Variants in MYO18B observed in about 807,000 individuals in gnomAD.
MYO18B encodes unconventional myosin-XVIIIb.
A neutral mutation model predicts 273.0 loss-of-function variants in MYO18B; 204 were observed. The observed-to-expected ratio is 0.75, with a 90% CI of 0.67 to 0.84. MYO18B has a LOEUF of 0.84. MYO18B is among the 40% of genes least tolerant of loss of function. The pLI is 0.00. For missense variants in MYO18B, 3,212 were observed against 3,287.6 expected (o/e 0.98, Z 0.56); for synonymous variants, 1,330 against 1,305.7 (o/e 1.02, Z -0.40).
intron 11 of MYO18B, among the ~76,000 whole-genome samples, chr22:25,792,659 T>C (rs2087731496): frequency 6.6e-6 from 1 of 151,928 alleles, no homozygotes; most frequent in Non-Finnish European, 1.5e-5. Flanking sequence ...CATGCCCAGC[T>C]AATTTTTTTA....
At chr22:26,020,903 A>G (rs576933002) in intron 42 of MYO18B, among the ~76,000 whole-genome samples, 75 of 152,320 alleles carry the variant, frequency 4.9e-4, no homozygotes, top group Middle Eastern at 6.8e-3. Flanking sequence ...ATCCTGACCA[A>G]CATGGTGAAA....
At chr22:25,849,207 A>G (rs1601342201) in intron 20 of MYO18B, among the ~76,000 whole-genome samples, 3 of 152,346 alleles carry the variant, frequency 2.0e-5, no homozygotes, top group South Asian at 2.1e-4. Context: ...ACGCAGGGTC[A>G]GGGTGTCCCG....
At chr22:25,890,945 C>G in intron 26 of MYO18B, 70 bp downstream of exon 26, 1 of 1,554,692 alleles carries the variant, frequency 6.4e-7, no homozygotes, top group Non-Finnish European at 8.7e-7. Context: ...GCTCCCCGAC[C>G]CTCTCATTGG....
intron 21 of MYO18B, among the ~76,000 whole-genome samples, chr22:25,864,521 G>T (rs1328064518): frequency 6.6e-6 from 1 of 152,186 alleles, no homozygotes; most frequent in Non-Finnish European, 1.5e-5. Flanking sequence ...AGGAGGAGAG[G>T]CTTGCTCAGG....
intron 40 of MYO18B, among the ~76,000 whole-genome samples, chr22:25,998,255 C>G (rs1601795653): frequency 6.6e-6 from 1 of 152,158 alleles, no homozygotes; most frequent in South Asian, 2.1e-4. Context: ...GCCAGTCACC[C>G]AGGCCTAAAG....
rs1395016495 is a variant in MYO18B, at chr22:25,921,373, A to T, written c.5481A>T (p.Ser1827=). The change falls in exon 34 of 44, where the codon TCA becomes TCT. Residue 1827 remains serine (S), a synonymous_variant. Coordinates refer to ENST00000335473, the MANE Select transcript of MYO18B (RefSeq NM_032608.7). ...LLGTMEDGKT[S]VSKEELEKVH... ...GCACCATGGAGGATGGCAAGACATCAGTCAGCAAGGAGGAGCTGGAGAAAG... is the reference window on the plus strand; with the variant it reads ...GCACCATGGAGGATGGCAAGACATCTGTCAGCAAGGAGGAGCTGGAGAAAG... 1 of 1,599,152 alleles carries T rather than the reference A, an allele frequency of 6.3e-7. No individual in the cohort carries two copies. The highest frequency in any genetic ancestry group is 2.3e-5 in the East Asian group (1 of 44,206).
chr22:26,009,614 C>CA (rs1447864838), intron 42 of MYO18B, among the ~76,000 whole-genome samples: 1 of 152,174 alleles, frequency 6.6e-6, no homozygotes, highest in Non-Finnish European at 1.5e-5. Context: ...AATCAGGGGA[C>CA]ATTCTCTAGT....
chr22:25,902,326 A>G (rs1283114394), intron 29 of MYO18B, among the ~76,000 whole-genome samples: 3 of 152,160 alleles, frequency 2.0e-5, no homozygotes, highest in African/African-American at 4.8e-5. Flanking sequence ...TGAGGGAGAA[A>G]TCTAGAATTA....
At chr22:26,033,633 A>G (rs1412916365), downstream of MYO18B, among the ~76,000 whole-genome samples, 3 of 152,154 alleles carry the variant, frequency 2.0e-5, no homozygotes, top group Non-Finnish European at 2.9e-5. Context: ...CAAGTTGACA[A>G]CCATCCCCAT....
rs538132723 is a variant in MYO18B, at chr22:25,890,912, G to C, written c.4434+37G>C. On this transcript the variant is annotated intron_variant, in intron 26 of 43. Coordinates refer to ENST00000335473, the MANE Select transcript of MYO18B (RefSeq NM_032608.7). The stretch of plus-strand genomic sequence containing the variant: ...GGGGTGGCCAGGGGTGGCTGAACAC[G>C]GTGGCTAAAAATGGTTGGGTCTGCT... The C allele has an allele frequency of 3.3e-5, 53 of 1,604,092 alleles. 1 individual carries two copies. The South Asian group carries it at 5.9e-4, about 18-fold the overall frequency.
chr22:25,743,468 A>C (rs865851798), intron 1 of MYO18B, among the ~76,000 whole-genome samples: 1 of 152,120 alleles, frequency 6.6e-6, no homozygotes, highest in Non-Finnish European at 1.5e-5. Flanking sequence ...GAGAGAGAGA[A>C]AAGAAGGAAG....
chr22:25,758,741 T>G (rs1335496288), intron 1 of MYO18B, among the ~76,000 whole-genome samples: 4 of 151,754 alleles, frequency 2.6e-5, no homozygotes, highest in Non-Finnish European at 5.9e-5. Flanking sequence ...AAAGAAGAGT[T>G]TTTTTGGGGG....
chr22:25,990,099 G>C lies in MYO18B; in HGVS notation c.6157-2264G>C, dbSNP rs571977806. Among the ~76,000 whole-genome samples, 28 of 152,254 alleles carry C rather than the reference G, an allele frequency of 1.8e-4. 1 individual carries two copies. The highest frequency in any genetic ancestry group is 6.7e-4 in the African/African-American group (28 of 41,548). On this transcript the variant is annotated intron_variant, in intron 39 of 43. Transcript: ENST00000335473. ...CTTCTCCCTCTCATCAGCTTGACCT[G>C]GCCCTTAGGCTTACTCAGTCTTTGC...
At chr22:25,806,603 G>C (rs563589934) in intron 12 of MYO18B, among the ~76,000 whole-genome samples, 7 of 152,358 alleles carry the variant, frequency 4.6e-5, no homozygotes, top group African/African-American at 1.7e-4. Flanking sequence ...CATCGTGGTT[G>C]ATTTGCTGTT....
At chr22:25,943,186 C>T (rs2092664886) in intron 34 of MYO18B, among the ~76,000 whole-genome samples, 1 of 152,154 alleles carries the variant, frequency 6.6e-6, no homozygotes, top group Non-Finnish European at 1.5e-5. Flanking sequence ...CCTCCTCTTC[C>T]ACCATTAGTT....
intron 11 of MYO18B, 42 bp downstream of exon 11, chr22:25,785,533 C>A: frequency 6.3e-7 from 1 of 1,591,208 alleles, no homozygotes; most frequent in South Asian, 1.1e-5. Flanking sequence ...GAGTCTGTGT[C>A]TGGGGCTAGA....
intron 25 of MYO18B, among the ~76,000 whole-genome samples, chr22:25,879,680 G>A (rs757793225): frequency 3.3e-5 from 5 of 152,184 alleles, no homozygotes. Context: ...AAAGTCATAT[G>A]CTGTGCTAGT....
rs779555475 is a variant in MYO18B at position 25,769,437 on chromosome 22, G to A, written c.1512+9G>A. On this transcript the variant is annotated intron_variant, in intron 4 of 43. Transcript: ENST00000335473. ...GCAGAGACTCAGACCAGGTGAGGGG[G>A]CTGCGGCCCTGGGAGCGGGAAGCGG... 51 of 1,510,640 alleles carry A rather than the reference G, an allele frequency of 3.4e-5. No homozygotes were observed. In the Middle Eastern group the frequency reaches 1.0e-3, roughly 30 times the overall value. The allele number at this position is 1,510,640 out of a possible 1,614,324, so 93.6% of individuals were successfully genotyped here.
At position 25,849,164 on chromosome 22, in the gene MYO18B, G is replaced by C. The variant is rs2090346772; in HGVS notation, c.3775+1512G>C. ...GTGCTGGGCCTTTGCAGGCACCATG[G>C]GCCTGGGTCAGACTGTTAGAATGCC... On this transcript the variant is annotated intron_variant, in intron 20 of 43. Transcript: ENST00000335473. 2.6e-5 allele frequency among the ~76,000 whole-genome samples: 4 copies of C among 152,194 alleles called. No individual in the cohort carries two copies. In the South Asian group the frequency reaches 8.3e-4, roughly 31 times the overall value.
Sources: gnomAD v4.1 joint callset for allele counts (sites outside exome capture counted in the v4.1 genomes callset) on GRCh38, gnomAD v4.1.1 for gene constraint, MANE v1.5 for transcripts, NCBI Gene and HGNC (gene_info 2026-07-23, HGNC 2026-07-21) for gene names.